The following MREG variants were observed in gnomAD, a reference collection of about 807,000 sequenced individuals.
MREG encodes dilute suppressor protein homolog.
Under a neutral mutation model 28.5 loss-of-function variants are expected in MREG, and 31 were observed. That is an observed-to-expected ratio of 1.09 (90% CI 0.82 to 1.47). The LOEUF is 1.47. Ranked by LOEUF, MREG falls within the 40% of genes most tolerant of loss-of-function variation. The pLI is 0.00. For missense variants in MREG, 256 were observed against 257.4 expected, an observed-to-expected ratio of 0.99 and a Z score of 0.04; for synonymous variants, 106 against 95.2, an observed-to-expected ratio of 1.11 and a Z score of -0.66.
chr2:216,028,609 C>T (rs1034090237), intron 1 of MREG, among the ~76,000 whole-genome samples: 2 of 149,962 alleles, frequency 1.3e-5, no homozygotes, highest in Admixed American at 6.6e-5. Context: ...TATTTCTAGG[C>T]AGGATTTTAA....
chr2:215,945,543 G>T, intron 4 of MREG, 28 bp downstream of exon 4: 1 of 1,599,410 alleles, frequency 6.3e-7, no homozygotes, highest in South Asian at 1.1e-5. Context: ...AGCAAAATTA[G>T]GGCAAATGAA....
At chr2:216,031,104 C>T (rs532919755) in intron 1 of MREG, among the ~76,000 whole-genome samples, 3 of 152,150 alleles carry the variant, frequency 2.0e-5, no homozygotes, top group East Asian at 1.9e-4. Flanking sequence ...ATGGTAACAA[C>T]GCGTTAGAAA....
intron 1 of MREG, among the ~76,000 whole-genome samples, chr2:216,011,082 C>G (rs944842953): frequency 4.3e-5 from 5 of 117,338 alleles, no homozygotes; most frequent in Non-Finnish European, 6.6e-5. Flanking sequence ...GGCAACAGAG[C>G]AAGACTCCGT....
At position 215,944,706 on chromosome 2, in the gene MREG, G is replaced by T. The variant is rs965050993; in HGVS notation, c.*157C>A. On this transcript the variant is annotated 3_prime_UTR_variant, in exon 5 of 5. Coordinates refer to ENST00000263268, the MANE Select transcript of MREG (RefSeq NM_018000.3). ...CAGCCTGCACAATTCATGGGGCAGG[G>T]TCCTCAGATTAAAGACTTTACATTT... 1.9e-5 allele frequency: 13 copies of T among 673,412 alleles called. No homozygotes were observed. The South Asian group carries it at 5.6e-4, about 29-fold the overall frequency. The allele number at this position is 673,412 out of a possible 1,614,324, so 41.7% of individuals were successfully genotyped here.
At chr2:216,004,543 C>CA (rs201981592) in intron 1 of MREG, among the ~76,000 whole-genome samples, 2,181 of 107,622 alleles carry the variant, frequency 0.02, 44 homozygotes, top group African/African-American at 0.082. Context: ...GACTCTGCCT[C>CA]AAAAAAAACA....
chr2:215,964,380 A>T (rs1692878685), intron 2 of MREG, among the ~76,000 whole-genome samples: 1 of 152,144 alleles, frequency 6.6e-6, no homozygotes, highest in African/African-American at 2.4e-5. Context: ...GCTACTCAGG[A>T]GGCCGAGGCA....
At chr2:216,005,187 G>A (rs1219199894) in intron 1 of MREG, among the ~76,000 whole-genome samples, 2 of 152,006 alleles carry the variant, frequency 1.3e-5, no homozygotes, top group Non-Finnish European at 2.9e-5. Flanking sequence ...AAGCAATAAG[G>A]ACCATGAACA....
chr2:215,965,641 G>C lies in MREG; in HGVS notation c.256-18528C>G, dbSNP rs76694090. 7.1e-3 allele frequency among the ~76,000 whole-genome samples: 1,081 copies of C among 152,290 alleles called. 11 individuals are homozygous for C. The highest frequency in any genetic ancestry group is 0.024 in the African/African-American group (995 of 41,546). On this transcript the variant is annotated intron_variant, in intron 2 of 4. Coordinates refer to ENST00000263268, the MANE Select transcript of MREG (RefSeq NM_018000.3). ...ATTCCTCCAGGATACCTATCACCATGAACCCTACCTTACATTTGCTCTTCC... is the reference window on the plus strand; with the variant it reads ...ATTCCTCCAGGATACCTATCACCATCAACCCTACCTTACATTTGCTCTTCC...
intron 1 of MREG, among the ~76,000 whole-genome samples, chr2:216,009,236 A>G (rs1056745277): frequency 1.3e-5 from 2 of 152,116 alleles, no homozygotes; most frequent in African/African-American, 2.4e-5. Context: ...CCAACACCCT[A>G]TATCTCAGGT....
chr2:215,991,188 G>A (rs4672789), intron 2 of MREG, among the ~76,000 whole-genome samples: 118,087 of 151,976 alleles, frequency 0.78, 46,543 homozygotes, highest in Non-Finnish European at 0.85. Flanking sequence ...AAATCGTAAC[G>A]GTCTCTCAGA....
Position 216,013,373 on chromosome 2 carries a change from G to A in MREG, c.-46C>T. On this transcript the variant is annotated 5_prime_UTR_variant, in exon 1 of 5. Transcript: ENST00000263268. ...GGCGCCGGAAGCCTGGGGCCGAGTC[G>A]CCGCGGCGAGCGATCGAGGCTGGGG... The A allele has an allele frequency of 7.8e-6, 11 of 1,410,002 alleles. No homozygotes were observed. The highest frequency in any genetic ancestry group is 8.5e-6 in the Non-Finnish European group (9 of 1,064,858). 87.3% of individuals were successfully genotyped at this position (1,410,002 alleles called of 1,614,324 possible).
chr2:215,939,660 G>A (rs1478968069), downstream of MREG: 1 of 152,180 alleles, frequency 6.6e-6, no homozygotes, highest in African/African-American at 2.4e-5. Flanking sequence ...CCTAAAAAAG[G>A]TGATGGAAAC....
intron 2 of MREG, among the ~76,000 whole-genome samples, chr2:215,960,395 G>C (rs1692748114): frequency 6.6e-6 from 1 of 152,236 alleles, no homozygotes; most frequent in Non-Finnish European, 1.5e-5. Flanking sequence ...CTGCTGAACT[G>C]CACTGCACAT....
intron 2 of MREG, among the ~76,000 whole-genome samples, chr2:215,949,087 C>CTACTACTAATAATAA (rs869228880): frequency 8.0e-6 from 1 of 124,602 alleles, no homozygotes; most frequent in Non-Finnish European, 1.7e-5. Flanking sequence ...ACTACTACTA[C>CTACTACTAATAATAA]TAATAATAAT....
chr2:215,957,898 T>C (rs535861316), intron 2 of MREG, among the ~76,000 whole-genome samples: 17 of 152,078 alleles, frequency 1.1e-4, no homozygotes, highest in Admixed American at 2.6e-4. Flanking sequence ...AAATGTGGCA[T>C]ATATACACCA....
chr2:215,950,517 A>G (rs960332927), intron 2 of MREG, among the ~76,000 whole-genome samples: 1 of 152,154 alleles, frequency 6.6e-6, no homozygotes, highest in Non-Finnish European at 1.5e-5. Context: ...ACCTTCCCCT[A>G]CCATGGTTTG....
At chr2:215,962,053 T>A (rs1276190085) in intron 2 of MREG, among the ~76,000 whole-genome samples, 2 of 152,228 alleles carry the variant, frequency 1.3e-5, no homozygotes, top group African/African-American at 4.8e-5. Context: ...CTGTTTTGAC[T>A]CTGAATCCGA....
chr2:215,993,075 A>G (rs570204428), intron 2 of MREG, among the ~76,000 whole-genome samples: 3 of 152,234 alleles, frequency 2.0e-5, no homozygotes, highest in Non-Finnish European at 4.4e-5. Context: ...TTTAAATTTC[A>G]TATGGAACCA....
At chr2:215,949,035 T>TCTACTACTA (rs67462853) in intron 2 of MREG, among the ~76,000 whole-genome samples, 109 of 131,090 alleles carry the variant, frequency 8.3e-4, no homozygotes, top group African/African-American at 1.6e-3. Context: ...AAACCCTGTC[T>TCTACTACTA]CTACTACTAC....
Sources: allele counts gnomAD v4.1 joint callset (sites outside exome capture counted in the v4.1 genomes callset), GRCh38; gene constraint gnomAD v4.1.1; transcripts MANE v1.5; gene names NCBI Gene and HGNC (gene_info 2026-07-23, HGNC 2026-07-21).